The following ZFPM2 variants were observed in gnomAD, a reference collection of about 807,000 sequenced individuals.
ZFPM2 encodes the protein zinc finger protein, FOG family member 2, also known as zinc finger protein ZFPM2.
ZFPM2 carries 20 observed loss-of-function variants against 98.6 expected under a neutral mutation model. The ratio of observed to expected loss-of-function variants is 0.20; its 90% CI spans 0.14 to 0.29. ZFPM2 has a LOEUF of 0.29. ZFPM2 is among the 10% of genes least tolerant of loss of function. The pLI, the probability that ZFPM2 is intolerant of heterozygous loss-of-function variation, is 1.00. For missense variants in ZFPM2, 1,310 were observed against 1,388.6 expected (o/e 0.94, Z 0.90); for synonymous variants, 518 against 502.7 (o/e 1.03, Z -0.41).
At chr8:105,581,494 G>A (rs1280420052) in intron 4 of ZFPM2, among the ~76,000 whole-genome samples, 1 of 152,118 alleles carries the variant, frequency 6.6e-6, no homozygotes, top group African/African-American at 2.4e-5. Flanking sequence ...TCAGATTGAT[G>A]TCTGGTAGAC....
chr8:105,695,200 T>A (rs1810986023), intron 5 of ZFPM2, among the ~76,000 whole-genome samples: 1 of 152,194 alleles, frequency 6.6e-6, no homozygotes, highest in East Asian at 1.9e-4. Context: ...TGTTAATCCT[T>A]CCACGTACAA....
chr8:105,539,202 C>T (rs1173411331), intron 3 of ZFPM2, among the ~76,000 whole-genome samples: 3 of 152,124 alleles, frequency 2.0e-5, no homozygotes, highest in Admixed American at 6.6e-5. Context: ...TCACCATCAA[C>T]ATGTATGGCT....
chr8:105,687,809 G>C (rs181242361), intron 5 of ZFPM2, among the ~76,000 whole-genome samples: 1 of 152,012 alleles, frequency 6.6e-6, no homozygotes, highest in Non-Finnish European at 1.5e-5. Flanking sequence ...CATAAAGGAC[G>C]TGGCATGGGA....
chr8:105,455,311 T>C (rs1162605092), intron 3 of ZFPM2, among the ~76,000 whole-genome samples: 1 of 152,164 alleles, frequency 6.6e-6, no homozygotes, highest in Non-Finnish European at 1.5e-5. Flanking sequence ...AAAGGCATTA[T>C]TAGTTGGACA....
intron 4 of ZFPM2, among the ~76,000 whole-genome samples, chr8:105,622,715 C>T (rs1161106891): frequency 2.0e-5 from 3 of 152,124 alleles, no homozygotes; most frequent in African/African-American, 7.2e-5. Context: ...AGGAAGCAGC[C>T]TGGCTCCAGA....
chr8:105,760,579 T>C (rs1448949219), intron 5 of ZFPM2, among the ~76,000 whole-genome samples: 2 of 152,058 alleles, frequency 1.3e-5, no homozygotes, highest in African/African-American at 2.4e-5. Context: ...AGGGAGATTA[T>C]AGTGTTTAGA....
intron 2 of ZFPM2, among the ~76,000 whole-genome samples, chr8:105,440,218 G>A (rs1460890089): frequency 1.3e-5 from 2 of 152,104 alleles, no homozygotes; most frequent in East Asian, 1.9e-4. Flanking sequence ...ATGGTAGCTA[G>A]CATTTAATAG....
At chr8:105,401,740 AG>A (rs1201889204) in intron 1 of ZFPM2, among the ~76,000 whole-genome samples, 2 of 152,166 alleles carry the variant, frequency 1.3e-5, no homozygotes, top group Non-Finnish European at 2.9e-5. Context: ...TTTTATGAAA[AG>A]GGGTACTTAC....
chr8:105,478,495 A>T (rs989482199), intron 3 of ZFPM2, among the ~76,000 whole-genome samples: 2 of 152,224 alleles, frequency 1.3e-5, no homozygotes, highest in African/African-American at 4.8e-5. Context: ...AGGGTTAGCT[A>T]AATTAATACA....
chr8:105,389,985 A>G (rs956570700), intron 1 of ZFPM2, among the ~76,000 whole-genome samples: 1 of 152,216 alleles, frequency 6.6e-6, no homozygotes, highest in Non-Finnish European at 1.5e-5. Context: ...TGGTTTAAGT[A>G]CGTCCCTTAT....
chr8:105,550,956 G>A (rs1814838464), intron 3 of ZFPM2, among the ~76,000 whole-genome samples: 2 of 152,124 alleles, frequency 1.3e-5, no homozygotes, highest in African/African-American at 2.4e-5. Context: ...GAAGATATGC[G>A]ATTGTTAATC....
chr8:105,487,693 C>A (rs544895076), intron 3 of ZFPM2, among the ~76,000 whole-genome samples: 1 of 151,540 alleles, frequency 6.6e-6, no homozygotes, highest in East Asian at 1.9e-4. Flanking sequence ...CAGTATCTGG[C>A]ACATAATAGG....
At position 105,781,986 on chromosome 8, in the gene ZFPM2, T is replaced by A. The variant is rs1813265453; in HGVS notation, c.533-6732T>A. Among the ~76,000 whole-genome samples, 4 of 152,288 alleles carry A rather than the reference T, an allele frequency of 2.6e-5. 1 individual carries two copies. In the South Asian group the frequency reaches 8.3e-4, roughly 32 times the overall value. On this transcript the variant is annotated intron_variant, in intron 5 of 7. Transcript: ENST00000407775. The stretch of plus-strand genomic sequence containing the variant: ...GACACCTAGTTTTTCACATAAAATC[T>A]GCCTTATTCAAATGCCATCTCCCAT...
At chr8:105,769,771 C>A (rs1175590881) in intron 5 of ZFPM2, among the ~76,000 whole-genome samples, 1 of 151,938 alleles carries the variant, frequency 6.6e-6, no homozygotes, top group Non-Finnish European at 1.5e-5. Flanking sequence ...TTAATTATAT[C>A]CTGTCTTGAC....
At chr8:105,736,173 T>C (rs1200872046) in intron 5 of ZFPM2, among the ~76,000 whole-genome samples, 1 of 151,948 alleles carries the variant, frequency 6.6e-6, no homozygotes, top group Non-Finnish European at 1.5e-5. Context: ...TGAGCTAAAG[T>C]AGAAATCAAA....
intron 3 of ZFPM2, among the ~76,000 whole-genome samples, chr8:105,494,491 A>G (rs187962760): frequency 2.0e-5 from 3 of 151,840 alleles, no homozygotes; most frequent in Admixed American, 1.3e-4. Context: ...AATTTACCAT[A>G]TTGGACTATG....
intron 5 of ZFPM2, among the ~76,000 whole-genome samples, chr8:105,765,343 C>G (rs1361097473): frequency 7.9e-5 from 12 of 151,640 alleles, no homozygotes; most frequent in Non-Finnish European, 1.6e-4. Flanking sequence ...TCATTCAAGC[C>G]ACTGTCAATT....
chr8:105,394,224 T>C (rs1811176859), intron 1 of ZFPM2, among the ~76,000 whole-genome samples: 1 of 152,096 alleles, frequency 6.6e-6, no homozygotes, highest in South Asian at 2.1e-4. Flanking sequence ...TGCTGTTTCA[T>C]ATTGAGATGC....
chr8:105,668,350 T>C (rs1817526457), intron 5 of ZFPM2, among the ~76,000 whole-genome samples: 1 of 152,222 alleles, frequency 6.6e-6, no homozygotes, highest in Non-Finnish European at 1.5e-5. Flanking sequence ...CTCTAGCTAC[T>C]AAATTAGCTT....
Sources: gnomAD v4.1 joint callset for allele counts (sites outside exome capture counted in the v4.1 genomes callset) on GRCh38, gnomAD v4.1.1 for gene constraint, MANE v1.5 for transcripts, NCBI Gene and HGNC (gene_info 2026-07-23, HGNC 2026-07-21) for gene names.